The following ARMC10 variants were observed in gnomAD, a reference collection of about 807,000 sequenced individuals.
ARMC10 encodes armadillo repeat-containing protein 10.
ARMC10 carries 23 observed loss-of-function variants against 30.2 expected under a neutral mutation model. The ratio of observed to expected loss-of-function variants is 0.76; its 90% confidence interval spans 0.55 to 1.08. ARMC10 has a LOEUF of 1.08. Ranked by LOEUF, ARMC10 falls within the 50% of genes least tolerant of loss-of-function variation. ARMC10 has a pLI of 0.00. For missense variants in ARMC10, 303 were observed against 413.7 expected (o/e 0.73, Z 2.32); for synonymous variants, 111 against 164.4 (o/e 0.68, Z 2.48).
chr7:103,097,133 G>C (rs954089651), intron 5 of ARMC10, 144 bp from the exon 6 acceptor site: 4 of 687,730 alleles, frequency 5.8e-6, no homozygotes, highest in Non-Finnish European at 1.0e-5. Flanking sequence ...GAACGGAGAA[G>C]GTTTCCTGGA....
At chr7:103,085,627 CT>C (rs1192707252) in intron 3 of ARMC10, among the ~76,000 whole-genome samples, 1 of 68,580 alleles carries the variant, frequency 1.5e-5, no homozygotes, top group Non-Finnish European at 3.4e-5. Context: ...TTTTTTTTTT[CT>C]TTTTTTTGTG....
intron 2 of ARMC10, among the ~76,000 whole-genome samples, chr7:103,079,225 C>T (rs1300690457): frequency 6.6e-6 from 1 of 151,588 alleles, no homozygotes; most frequent in Non-Finnish European, 1.5e-5. Flanking sequence ...TATACCAAGG[C>T]CAAATGGACA....
chr7:103,095,231 C>T (rs1397183611), intron 5 of ARMC10, among the ~76,000 whole-genome samples: 1 of 152,148 alleles, frequency 6.6e-6, no homozygotes, highest in Non-Finnish European at 1.5e-5. Flanking sequence ...CTCCCTGGGA[C>T]TTTGGTCACA....
At chr7:103,088,720 G>A (rs928778201) in intron 4 of ARMC10, 1 of 195,690 alleles carries the variant, frequency 5.1e-6, no homozygotes, top group Non-Finnish European at 1.2e-5. Flanking sequence ...ATATTTTCAT[G>A]AGCCTGGGCC....
Position 103,098,301 on chromosome 7 carries a change from G to A in ARMC10, c.780G>A (p.Val260=). The A allele has an allele frequency of 1.3e-6, 2 of 1,517,274 alleles. No individual in the cohort carries two copies. The highest frequency in any genetic ancestry group is 1.8e-6 in the Non-Finnish European group (2 of 1,137,154). The allele number at this position is 1,517,274 out of a possible 1,614,324, so 94.0% of individuals were successfully genotyped here. A position where few individuals can be genotyped will look rare whatever the true frequency, so the allele number is the denominator to read the frequency against. ...AMTEGLLRAQ[V]DSSFLSLYDS... is the part of the protein sequence containing the mutation. ...ATACTCATTGTTTCATATTTCAGGT[G>A]GATTCATCATTCCTTTCCCTTTATG... is the stretch of plus-strand genomic sequence containing the variant. Residue 260 remains valine, a splice_region_variant and synonymous_variant, in exon 7 of 7, where the codon GTG becomes GTA. Transcript: ENST00000323716.
intron 3 of ARMC10, among the ~76,000 whole-genome samples, chr7:103,085,161 G>GTAGGAA (rs1800724901): frequency 6.6e-6 from 1 of 151,756 alleles, no homozygotes; most frequent in South Asian, 2.1e-4. Flanking sequence ...TGTAGTCAGA[G>GTAGGAA]TAGGCCAGTA....
chr7:103,081,559 G>A (rs1460040710), intron 2 of ARMC10, among the ~76,000 whole-genome samples: 1 of 152,126 alleles, frequency 6.6e-6, no homozygotes, highest in African/African-American at 2.4e-5. Flanking sequence ...GTTTTTAGTA[G>A]AGATGGGGTT....
chr7:103,076,406 C>G (rs1055720001), intron 2 of ARMC10, among the ~76,000 whole-genome samples: 1 of 152,152 alleles, frequency 6.6e-6, no homozygotes, highest in Non-Finnish European at 1.5e-5. Flanking sequence ...TAAAAACTCA[C>G]AGAGTTGGGG....
Position 103,075,192 on chromosome 7 carries a change from C to G in ARMC10, c.-81C>G. The G allele has an allele frequency of 9.7e-7, 1 of 1,029,956 alleles. No homozygotes were observed. Among genetic ancestry groups the G allele is most frequent in the Non-Finnish European group, 1.2e-6 (1 of 837,988 alleles). 63.8% of individuals were successfully genotyped at this position (1,029,956 alleles called of 1,614,324 possible). A position where few individuals can be genotyped will look rare whatever the true frequency, so the allele number is the denominator to read the frequency against. ...TGGCGTTTGCTGTGGCGGCTAGGCCCGCGTGCGCTGGAGACCTCCGCGCTG... is the reference window on the plus strand; with the variant it reads ...TGGCGTTTGCTGTGGCGGCTAGGCCGGCGTGCGCTGGAGACCTCCGCGCTG... On this transcript the variant is annotated 5_prime_UTR_variant, in exon 1 of 7. Transcript: ENST00000323716.
rs145324772 is a variant in ARMC10, at chr7:103,076,159, T to G, written c.244+278T>G. ...CATCACGGGCAATTTGCTAATGGGA[T>G]AGCAGGAAGAATTCTAATTCCTTTA... On this transcript the variant is annotated intron_variant, in intron 2 of 6. Transcript: ENST00000323716. Among the ~76,000 whole-genome samples, 726 of 152,320 alleles carry G rather than the reference T, an allele frequency of 4.8e-3. 4 individuals are homozygous for G. Among genetic ancestry groups the G allele is most frequent in the African/African-American group, 0.017 (687 of 41,568 alleles).
intron 2 of ARMC10, among the ~76,000 whole-genome samples, chr7:103,078,825 A>G (rs1800126625): frequency 6.6e-6 from 1 of 152,134 alleles, no homozygotes. Flanking sequence ...GCTGGGCAAC[A>G]TAGTGAAACC....
At chr7:103,081,484 G>A (rs529098023) in intron 2 of ARMC10, among the ~76,000 whole-genome samples, 1 of 152,136 alleles carries the variant, frequency 6.6e-6, no homozygotes, top group East Asian at 1.9e-4. Context: ...CAATTTTCCC[G>A]CCTCGGCCTC....
At chr7:103,075,493 C>T (rs1799638699) in intron 1 of ARMC10, 82 bp downstream of exon 1, 1 of 1,231,758 alleles carries the variant, frequency 8.1e-7, no homozygotes, top group Middle Eastern at 2.4e-4. Context: ...TGCGTGTGCT[C>T]GGGGTAAAAT....
chr7:103,084,322 T>A (rs1800644408), intron 3 of ARMC10, among the ~76,000 whole-genome samples: 1 of 152,240 alleles, frequency 6.6e-6, no homozygotes, highest in Non-Finnish European at 1.5e-5. Flanking sequence ...TTCTTCCTAC[T>A]CTTCCTCACA....
chr7:103,089,149 G>A, intron 4 of ARMC10: 1 of 224,760 alleles, frequency 4.4e-6, no homozygotes. Flanking sequence ...CTAGCAATTT[G>A]GCATGTTGCT....
chr7:103,083,881 G>A (rs1231145456), intron 3 of ARMC10, 51 bp downstream of exon 3: 9 of 1,590,270 alleles, frequency 5.7e-6, no homozygotes, highest in Non-Finnish European at 7.7e-6. Context: ...ACACACTAGC[G>A]GTAATTGTGA....
chr7:103,085,968 G>A (rs561483826), intron 3 of ARMC10, among the ~76,000 whole-genome samples: 46 of 152,170 alleles, frequency 3.0e-4, no homozygotes, highest in Admixed American at 5.9e-4. Context: ...ATATCAGTGC[G>A]TTCCCACCAC....
intron 2 of ARMC10, among the ~76,000 whole-genome samples, chr7:103,078,740 G>A (rs1800119339): frequency 1.3e-5 from 2 of 150,658 alleles, no homozygotes; most frequent in Non-Finnish European, 3.0e-5. Context: ...TCTTTTCTTT[G>A]TTTTAAACTC....
intron 2 of ARMC10, among the ~76,000 whole-genome samples, chr7:103,077,849 T>A (rs1800029562): frequency 6.6e-6 from 1 of 152,230 alleles, no homozygotes; most frequent in Admixed American, 6.5e-5. Flanking sequence ...GTTCCCATAA[T>A]CATCATTATC....
Sources: gnomAD v4.1 joint callset for allele counts (sites outside exome capture counted in the v4.1 genomes callset) on GRCh38, gnomAD v4.1.1 for gene constraint, MANE v1.5 for transcripts, NCBI Gene and HGNC (gene_info 2026-07-23, HGNC 2026-07-21) for gene names.